The following CDKL5 variants were observed in gnomAD, a reference collection of about 807,000 sequenced individuals.
CDKL5 encodes the protein cyclin dependent kinase like 5, also known as cyclin-dependent kinase-like 5.
CDKL5 carries 8 observed loss-of-function variants against 61.7 expected under a neutral mutation model. That is an observed-to-expected ratio of 0.13 (90% CI 0.08 to 0.23). The LOEUF is 0.23. Ranked by LOEUF, CDKL5 falls within the 10% of genes least tolerant of loss-of-function variation. CDKL5 has a pLI of 1.00. For synonymous variants in CDKL5, 275 were observed against 272.3 expected, an observed-to-expected ratio of 1.01 and a Z score of -0.10; for missense variants, 440 against 734.5, an observed-to-expected ratio of 0.60 and a Z score of 4.63.
chrX:18,554,477 G>A (rs765225638), intron 3 of CDKL5, among the ~76,000 whole-genome samples: 11 of 101,070 alleles, frequency 1.1e-4, no homozygotes, highest in Non-Finnish European at 1.4e-4. Flanking sequence ...GTACAGTGGC[G>A]TGATCTCAGC....
intron 1 of CDKL5, among the ~76,000 whole-genome samples, chrX:18,486,092 G>A (rs139463068): frequency 6.3e-5 from 7 of 110,986 alleles, no homozygotes; most frequent in East Asian, 2.8e-4. Flanking sequence ...GCCTTTTTTC[G>A]TGTTATTCCT....
intron 15 of CDKL5, among the ~76,000 whole-genome samples, chrX:18,618,187 A>C (rs1926777781): frequency 8.9e-6 from 1 of 111,965 alleles, no homozygotes; most frequent in African/African-American, 3.3e-5. Flanking sequence ...GATTGGCAGA[A>C]AGCACTTTTA....
At chrX:18,459,491 G>A (rs1373894422) in intron 1 of CDKL5, among the ~76,000 whole-genome samples, 1 of 109,132 alleles carries the variant, frequency 9.2e-6, no homozygotes, top group African/African-American at 3.3e-5. Context: ...GAACCTGGGA[G>A]GTGGAGGTTG....
chrX:18,508,154 CATTT>C (rs1922652259), intron 2 of CDKL5, among the ~76,000 whole-genome samples: 1 of 112,278 alleles, frequency 8.9e-6, no homozygotes, highest in East Asian at 2.8e-4. Flanking sequence ...GGTTTCTTAG[CATTT>C]ATATCTTTAA....
rs747261276 is a variant in CDKL5, at chrX:18,435,920, A to T, written c.-163+10225A>T. Among the ~76,000 whole-genome samples, 43 of 111,033 alleles carry T rather than the reference A, an allele frequency of 3.9e-4. No homozygotes were observed. The South Asian group carries it at 0.016, about 42-fold the overall frequency. On this transcript the variant is annotated intron_variant, in intron 1 of 17. Transcript: ENST00000623535. ...GCAGAACACTATGGGAGTGTACTTG[A>T]CCCTTGAACAAGGTAGGGGTTAGGG...
chrX:18,620,885 C>T (rs1266896342), intron 16 of CDKL5, among the ~76,000 whole-genome samples: 1 of 110,176 alleles, frequency 9.1e-6, no homozygotes, highest in African/African-American at 3.3e-5. Flanking sequence ...TAACTGGGTG[C>T]ACGCCATCAC....
rs757798963 is a variant in CDKL5 at position 18,560,835 on chromosome X, T to C, written c.100-3642T>C. ...TATATTCCAAATAATTTAAAATTTT[T>C]ATTTCAAAGAAAAGGAAAAGTCCTA... On this transcript the variant is annotated intron_variant, in intron 3 of 17. Transcript: ENST00000623535. Among the ~76,000 whole-genome samples the C allele has an allele frequency of 2.7e-5, 3 of 111,319 alleles. No individual in the cohort carries two copies. In the East Asian group the frequency reaches 8.4e-4, roughly 31 times the overall value.
intron 2 of CDKL5, among the ~76,000 whole-genome samples, chrX:18,510,323 T>C (rs1922782255): frequency 9.0e-6 from 1 of 111,520 alleles, no homozygotes; most frequent in African/African-American, 3.3e-5. Flanking sequence ...CCCAACTAAT[T>C]TTTGTATTTT....
At chrX:18,446,462 T>C (rs1931880778) in intron 1 of CDKL5, among the ~76,000 whole-genome samples, 2 of 112,239 alleles carry the variant, frequency 1.8e-5, no homozygotes, top group Admixed American at 9.5e-5. Flanking sequence ...ACATTGATTG[T>C]ATAGAACACA....
intron 1 of CDKL5, among the ~76,000 whole-genome samples, chrX:18,488,871 C>T (rs984377981): frequency 5.4e-5 from 6 of 111,834 alleles, no homozygotes; most frequent in Non-Finnish European, 3.8e-5. Context: ...TTAAAACAGA[C>T]TCTTTGTAGC....
intron 19 of CDKL5, chrX:18,645,897 C>G (rs1203863620): frequency 5.1e-6 from 6 of 1,167,988 alleles, no homozygotes; most frequent in Non-Finnish European, 6.9e-6. Flanking sequence ...GCCCCCTAAC[C>G]AAACTCTGGT....
intron 1 of CDKL5, among the ~76,000 whole-genome samples, chrX:18,471,574 T>A (rs2147064637): frequency 9.0e-6 from 1 of 110,598 alleles, no homozygotes; most frequent in Admixed American, 9.7e-5. Flanking sequence ...GGTCTCCTTA[T>A]GTTGTCCAGG....
Position 18,629,035 on chromosome X carries a change from C to G in CDKL5, c.*278C>G. 5 of 902,053 alleles carry G rather than the reference C, an allele frequency of 5.5e-6. No homozygotes were observed. The highest frequency in any genetic ancestry group is 6.8e-6 in the Non-Finnish European group (5 of 733,114). The allele number at this position is 902,053 out of a possible 1,213,427, so 74.3% of individuals were successfully genotyped here. A position where few individuals can be genotyped will look rare whatever the true frequency, so the allele number is the denominator to read the frequency against. The stretch of plus-strand genomic sequence containing the variant: ...GTGTGCCATTGAGGAAGAAGAAATT[C>G]TTGCCAGTTTCTCCCCTTTACATTC... On this transcript the variant is annotated 3_prime_UTR_variant, in exon 18 of 18. Transcript: ENST00000623535.
At chrX:18,601,281 T>C (rs1372750194) in intron 11 of CDKL5, among the ~76,000 whole-genome samples, 2 of 112,265 alleles carry the variant, frequency 1.8e-5, no homozygotes, top group Admixed American at 9.4e-5. Flanking sequence ...AGCTGCCCCA[T>C]ACTGCCACTC....
chrX:18,507,747 A>G (rs1309834679), intron 2 of CDKL5, among the ~76,000 whole-genome samples: 2 of 111,270 alleles, frequency 1.8e-5, no homozygotes, highest in Admixed American at 9.6e-5. Flanking sequence ...TATTTTCAGT[A>G]GAGACTGGGT....
chrX:18,612,497 G>A (rs1012140912), intron 14 of CDKL5, among the ~76,000 whole-genome samples: 2 of 109,703 alleles, frequency 1.8e-5, no homozygotes, highest in East Asian at 5.7e-4. Context: ...GTGAAACCTT[G>A]TCTCTACAAA....
At chrX:18,516,232 C>T (rs1385685364) in intron 3 of CDKL5, among the ~76,000 whole-genome samples, 1 of 109,978 alleles carries the variant, frequency 9.1e-6, no homozygotes, top group Non-Finnish European at 1.9e-5. Flanking sequence ...CTCAAGTGAT[C>T]AGCCTCCCAA....
At chrX:18,587,651 C>T in intron 8 of CDKL5, 1 of 245,512 alleles carries the variant, frequency 4.1e-6, no homozygotes, top group Non-Finnish European at 7.2e-6. Context: ...TGTTACTTGC[C>T]AGATATGTAT....
At chrX:18,536,507 C>T (rs1602247225) in intron 3 of CDKL5, among the ~76,000 whole-genome samples, 1 of 79,707 alleles carries the variant, frequency 1.3e-5, no homozygotes, top group East Asian at 4.6e-4. Flanking sequence ...AGTGCAGTGG[C>T]GTGATTTCCG....
Sources: gnomAD v4.1 joint callset for allele counts (sites outside exome capture counted in the v4.1 genomes callset) on GRCh38, gnomAD v4.1.1 for gene constraint, MANE v1.5 for transcripts, NCBI Gene and HGNC (gene_info 2026-07-23, HGNC 2026-07-21) for gene names.